VAT1L: variants seen among roughly 807,000 people sequenced by gnomAD.
VAT1L encodes the protein putative NADPH-dependent quinone oxidoreductase VAT1L.
VAT1L carries 34 observed loss-of-function variants against 44.1 expected under a neutral mutation model. The observed-to-expected ratio is 0.77, with a 90% CI of 0.59 to 1.03. VAT1L has a LOEUF of 1.03. Among genes scored for constraint, VAT1L ranks in the 50% least tolerant of loss-of-function variants. VAT1L has a pLI of 0.00. For missense variants in VAT1L, 615 were observed against 538.8 expected (o/e 1.14, Z -1.40); for synonymous variants, 253 against 202.2 (o/e 1.25, Z -2.13).
chr16:77,862,814 T>A lies in VAT1L; in HGVS notation c.646T>A (p.Phe216Ile), dbSNP rs768656071. 1 of 1,613,984 alleles carries A rather than the reference T, an allele frequency of 6.2e-7. No individual in the cohort carries two copies. The highest frequency in any genetic ancestry group is 8.5e-7 in the Non-Finnish European group (1 of 1,179,968). The change falls in exon 4 of 9, where the codon TTC becomes ATC. Residue 216 changes from phenylalanine to isoleucine, a missense_variant. By Grantham distance (21) the Phe-to-Ile change is conservative (BLOSUM62 0). Transcript: ENST00000302536. ...NVTVFGTAST[F>I]KHEAIKDSVT... is the part of the protein sequence containing the mutation. ...GACTGTCTTTGGAACAGCCTCTACTTTCAAGCATGAAGCAATCAAAGACTC... is the reference window on the plus strand; with the variant it reads ...GACTGTCTTTGGAACAGCCTCTACTATCAAGCATGAAGCAATCAAAGACTC...
chr16:77,802,889 C>T (rs572992544), intron 1 of VAT1L, among the ~76,000 whole-genome samples: 3 of 151,862 alleles, frequency 2.0e-5, no homozygotes, highest in African/African-American at 4.8e-5. Context: ...TTTTTTGAGG[C>T]GCATCAATCA....
chr16:77,969,818 T>C (rs965239677), intron 7 of VAT1L, among the ~76,000 whole-genome samples: 3 of 151,822 alleles, frequency 2.0e-5, no homozygotes, highest in Admixed American at 6.6e-5. Context: ...AATGAACAAA[T>C]GTGAAAACCT....
At chr16:77,941,371 A>G (rs963209606) in intron 7 of VAT1L, among the ~76,000 whole-genome samples, 2 of 152,154 alleles carry the variant, frequency 1.3e-5, no homozygotes, top group African/African-American at 4.8e-5. Flanking sequence ...ATGTGCTGTC[A>G]TATGTTGATT....
intron 7 of VAT1L, among the ~76,000 whole-genome samples, chr16:77,961,851 G>A (rs996623055): frequency 7.2e-5 from 11 of 152,182 alleles, no homozygotes; most frequent in Admixed American, 5.2e-4. Context: ...GGAACCTAAG[G>A]TTTGTTGTTC....
intron 7 of VAT1L, among the ~76,000 whole-genome samples, chr16:77,962,739 A>AGAAAGAAGGAAGGAAGGAAGGAAGGAAG (rs1555523117): frequency 3.9e-5 from 5 of 129,328 alleles, no homozygotes; most frequent in African/African-American, 1.5e-4. Flanking sequence ...AAAGAAGGAA[A>AGAAAGAAGGAAGGAAGGAAGGAAGGAAG]GAAGGAAGGA....
At chr16:77,942,163 T>C (rs932654575) in intron 7 of VAT1L, among the ~76,000 whole-genome samples, 4 of 152,224 alleles carry the variant, frequency 2.6e-5, no homozygotes, top group African/African-American at 9.6e-5. Context: ...CAGTTCCATG[T>C]GGCTGGGGAG....
intron 7 of VAT1L, among the ~76,000 whole-genome samples, chr16:77,957,750 A>G (rs1284369709): frequency 4.7e-5 from 7 of 148,736 alleles, no homozygotes; most frequent in Admixed American, 2.7e-4. Context: ...TAAAACAATT[A>G]TATATAATTA....
At chr16:77,885,231 G>C (rs1479734169) in intron 7 of VAT1L, among the ~76,000 whole-genome samples, 1 of 152,188 alleles carries the variant, frequency 6.6e-6, no homozygotes, top group Non-Finnish European at 1.5e-5. Context: ...TGAGACATTA[G>C]CTATCACGAT....
intron 7 of VAT1L, among the ~76,000 whole-genome samples, chr16:77,946,409 G>A (rs1206872804): frequency 6.6e-6 from 1 of 150,984 alleles, no homozygotes; most frequent in Non-Finnish European, 1.5e-5. Context: ...TTAGACTCCC[G>A]AGTAGCTGGG....
intron 3 of VAT1L, among the ~76,000 whole-genome samples, chr16:77,844,987 G>A (rs1174166544): frequency 3.3e-5 from 5 of 152,218 alleles, no homozygotes; most frequent in Non-Finnish European, 7.3e-5. Flanking sequence ...TAAGGAGGCA[G>A]TTATGTGAAA....
chr16:77,969,499 C>T (rs539713869), intron 7 of VAT1L, among the ~76,000 whole-genome samples: 7 of 152,136 alleles, frequency 4.6e-5, no homozygotes, highest in Non-Finnish European at 1.0e-4. Flanking sequence ...CTGGGGTCTG[C>T]CTTCAGTTTC....
chr16:77,957,848 G>T (rs1405257940), intron 7 of VAT1L, among the ~76,000 whole-genome samples: 1 of 151,266 alleles, frequency 6.6e-6, no homozygotes, highest in African/African-American at 2.4e-5. Flanking sequence ...AGGAGTGGTG[G>T]GAGCTCAGGT....
intron 7 of VAT1L, among the ~76,000 whole-genome samples, chr16:77,921,958 G>A (rs1305906267): frequency 3.9e-5 from 6 of 151,974 alleles, no homozygotes; most frequent in African/African-American, 1.5e-4. Flanking sequence ...ATGTTGCCCA[G>A]GCTGGTCTTG....
At chr16:77,937,510 G>T (rs540010059) in intron 7 of VAT1L, among the ~76,000 whole-genome samples, 1 of 152,186 alleles carries the variant, frequency 6.6e-6, no homozygotes, top group South Asian at 2.1e-4. Flanking sequence ...CTTTGTGGCC[G>T]AGCTGTTTTA....
chr16:77,919,076 C>A (rs1187850311), intron 7 of VAT1L, among the ~76,000 whole-genome samples: 3 of 152,168 alleles, frequency 2.0e-5, no homozygotes, highest in Non-Finnish European at 2.9e-5. Context: ...TGCATTGAAT[C>A]CAACTAGGCA....
intron 7 of VAT1L, among the ~76,000 whole-genome samples, chr16:77,944,756 A>G (rs1435223225): frequency 6.6e-6 from 1 of 152,142 alleles, no homozygotes; most frequent in African/African-American, 2.4e-5. Context: ...TTATTATTTT[A>G]GGTCTATTTT....
chr16:77,905,915 C>A (rs566171878), intron 7 of VAT1L, among the ~76,000 whole-genome samples: 1 of 152,254 alleles, frequency 6.6e-6, no homozygotes, highest in South Asian at 2.1e-4. Context: ...ATATTTACTC[C>A]AGACTTAATT....
intron 3 of VAT1L, among the ~76,000 whole-genome samples, chr16:77,860,697 C>T (rs1198657341): frequency 6.6e-6 from 1 of 152,098 alleles, no homozygotes; most frequent in African/African-American, 2.4e-5. Context: ...ATTTACCCTC[C>T]CTAGAAAAGA....
At chr16:77,910,508 T>TA (rs2017488252) in intron 7 of VAT1L, among the ~76,000 whole-genome samples, 1 of 151,656 alleles carries the variant, frequency 6.6e-6, no homozygotes, top group Admixed American at 6.6e-5. Flanking sequence ...CCGTCTCTAC[T>TA]AAAAATACAA....
Sources: allele counts gnomAD v4.1 joint callset (sites outside exome capture counted in the v4.1 genomes callset), GRCh38; gene constraint gnomAD v4.1.1; transcripts MANE v1.5; gene names NCBI Gene and HGNC (gene_info 2026-07-23, HGNC 2026-07-21).